The following OPRD1 variants were observed in gnomAD, a reference collection of about 807,000 sequenced individuals.
The protein encoded by OPRD1 is delta-type opioid receptor.
A neutral mutation model predicts 17.5 loss-of-function variants in OPRD1; 19 were observed. The observed-to-expected ratio is 1.09, with a 90% CI of 0.76 to 1.60. The LOEUF (loss-of-function observed/expected upper bound fraction) is 1.60, where lower values mean the gene tolerates loss of function less well. Among genes scored for constraint, OPRD1 ranks in the 40% most tolerant of loss-of-function variants. The pLI is 0.00. For synonymous variants in OPRD1, 256 were observed against 240.9 expected (o/e 1.06, Z -0.58); for missense variants, 483 against 547.2 (o/e 0.88, Z 1.17).
At chr1:28,821,914 A>G (rs1024437854) in intron 1 of OPRD1, among the ~76,000 whole-genome samples, 2 of 151,804 alleles carry the variant, frequency 1.3e-5, no homozygotes, top group African/African-American at 4.8e-5. Context: ...TGCTGTGAAC[A>G]TTCTTAGACA....
Position 28,870,922 on chromosome 1 carries a change from G to T in OPRD1, c.*7639G>T, listed in dbSNP as rs2089212155. On this transcript the variant is annotated 3_prime_UTR_variant, in exon 3 of 3. Transcript: ENST00000234961. ...ACTTCATTGCTGTGGTGTTGGGCAG[G>T]TCTCTGTCCCTCTCTGGGCCTCTGC... 6.6e-6 allele frequency: 1 copy of T among 152,252 alleles called. No individual in the cohort carries two copies. Among genetic ancestry groups the T allele is most frequent in the South Asian group, 2.1e-4 (1 of 4,830 alleles). The allele number at this position is 152,252 out of a possible 1,614,324, so 9.4% of individuals were successfully genotyped here.
chr1:28,837,670 CA>C (rs1173616702), intron 1 of OPRD1, among the ~76,000 whole-genome samples: 10 of 147,254 alleles, frequency 6.8e-5, no homozygotes, highest in South Asian at 2.2e-4. Context: ...ACAAAAAAAA[CA>C]AAAAAAAACC....
At chr1:28,815,632 C>T (rs1036890358) in intron 1 of OPRD1, among the ~76,000 whole-genome samples, 1 of 152,216 alleles carries the variant, frequency 6.6e-6, no homozygotes, top group Non-Finnish European at 1.5e-5. Flanking sequence ...GGGGAGAGCG[C>T]AGCCCGGGCT....
chr1:28,858,212 C>G (rs536403405), intron 1 of OPRD1, among the ~76,000 whole-genome samples: 1 of 149,156 alleles, frequency 6.7e-6, no homozygotes, highest in Non-Finnish European at 1.5e-5. Flanking sequence ...CTCCCGGGTT[C>G]ACGCCATTCT....
intron 1 of OPRD1, among the ~76,000 whole-genome samples, chr1:28,815,194 C>T (rs2088663211): frequency 6.6e-6 from 1 of 152,172 alleles, no homozygotes; most frequent in African/African-American, 2.4e-5. Context: ...CTCACTGCAA[C>T]CTCGACCTCC....
intron 2 of OPRD1, among the ~76,000 whole-genome samples, chr1:28,862,116 A>G (rs964623495): frequency 2.7e-5 from 4 of 150,518 alleles, no homozygotes; most frequent in Non-Finnish European, 5.9e-5. Flanking sequence ...ATGGGGTTTT[A>G]CCGTGTTAGC....
rs1017379708 is a variant in OPRD1, at chr1:28,822,909, G to T, written c.227+10299G>T. Reference sequence around the variant, plus strand: ...AAGGCATGATTTCATTAACCTCAGAGTCCTGGGACCTCAAAATCAAATTGG... The same window carrying T: ...AAGGCATGATTTCATTAACCTCAGATTCCTGGGACCTCAAAATCAAATTGG... On this transcript the variant is annotated intron_variant, in intron 1 of 2. Coordinates refer to ENST00000234961, the MANE Select transcript of OPRD1 (RefSeq NM_000911.4). 2.0e-5 allele frequency among the ~76,000 whole-genome samples: 3 copies of T among 152,128 alleles called. No individual in the cohort carries two copies. In the South Asian group the frequency reaches 6.2e-4, roughly 32 times the overall value.
In OPRD1 at chr1:28,865,422, G is replaced by A. The variant is rs1164150013; in HGVS notation, c.*2139G>A. 2 of 152,138 alleles carry A rather than the reference G, an allele frequency of 1.3e-5. No homozygotes were observed. Among genetic ancestry groups the A allele is most frequent in the Non-Finnish European group, 2.9e-5 (2 of 68,052 alleles). 9.4% of individuals were successfully genotyped at this position (152,138 alleles called of 1,614,324 possible). A position where few individuals can be genotyped will look rare whatever the true frequency, so the allele number is the denominator to read the frequency against. ...GCCATGTCTTTGGAACAAAAGCTGGGAGGCTGTCACTCCAGCAGGGACTGA... is the reference window on the plus strand; with the variant it reads ...GCCATGTCTTTGGAACAAAAGCTGGAAGGCTGTCACTCCAGCAGGGACTGA... On this transcript the variant is annotated 3_prime_UTR_variant, in exon 3 of 3. Coordinates refer to ENST00000234961, the MANE Select transcript of OPRD1 (RefSeq NM_000911.4).
At chr1:28,851,161 A>G (rs1200932813) in intron 1 of OPRD1, among the ~76,000 whole-genome samples, 3 of 152,210 alleles carry the variant, frequency 2.0e-5, no homozygotes, top group Non-Finnish European at 2.9e-5. Context: ...ACAAAGTGTC[A>G]GACTACCAGG....
intron 1 of OPRD1, among the ~76,000 whole-genome samples, chr1:28,840,596 A>G (rs1002828592): frequency 1.3e-5 from 2 of 152,130 alleles, no homozygotes; most frequent in Admixed American, 6.5e-5. Flanking sequence ...GGAATAATAA[A>G]CACTGTCTGC....
rs1319487675 is a variant in OPRD1 at position 28,846,895 on chromosome 1, C to CTT, written c.228-12058_228-12057insTT. 6.1e-3 allele frequency among the ~76,000 whole-genome samples: 209 copies of CTT among 34,002 alleles called. 1 individual carries two copies. Among genetic ancestry groups the CTT allele is most frequent in the African/African-American group, 0.013 (198 of 15,752 alleles). The allele number at this position is 34,002 out of a possible 152,430, so 22.3% of individuals were successfully genotyped here. A position where few individuals can be genotyped will look rare whatever the true frequency, so the allele number is the denominator to read the frequency against. Reference sequence around the variant, plus strand: ...CTTTCTTTCTTTCTTTCTTTCTTTTCTCTTTCTTTCTTTTTCTTTCTTTCT... The same window carrying CTT: ...CTTTCTTTCTTTCTTTCTTTCTTTTCTTTCTTTCTTTCTTTTTCTTTCTTTCT... On this transcript the variant is annotated intron_variant, in intron 1 of 2. Transcript: ENST00000234961.
At chr1:28,846,823 TTC>T (rs56710285) in intron 1 of OPRD1, among the ~76,000 whole-genome samples, 61,498 of 129,622 alleles carry the variant, frequency 0.47, 14,869 homozygotes, top group East Asian at 0.88. Flanking sequence ...TGTTTGCATT[TTC>T]TTTCTTTCTT....
intron 2 of OPRD1, among the ~76,000 whole-genome samples, chr1:28,860,105 C>T (rs1399314590): frequency 6.6e-6 from 1 of 152,198 alleles, no homozygotes; most frequent in Admixed American, 6.5e-5. Context: ...TGGCTCATGC[C>T]TGTAATCCCA....
intron 1 of OPRD1, among the ~76,000 whole-genome samples, chr1:28,850,564 C>A (rs879395859): frequency 2.6e-4 from 40 of 151,946 alleles, no homozygotes; most frequent in Non-Finnish European, 4.7e-4. Flanking sequence ...CTCAGGAGAT[C>A]CACCCACCTC....
rs374042826 is a variant in OPRD1, at chr1:28,859,208, C to T, written c.482C>T (p.Thr161Met). 11 of 1,614,164 alleles carry T rather than the reference C, an allele frequency of 6.8e-6. No homozygotes were observed. The highest frequency in any genetic ancestry group is 2.2e-5 in the East Asian group (1 of 44,904). Reference sequence around the variant, plus strand: ...CCTGTCAAGGCCCTGGACTTCCGCACGCCTGCCAAGGCCAAGCTGATCAAC... The same window carrying T: ...CCTGTCAAGGCCCTGGACTTCCGCATGCCTGCCAAGGCCAAGCTGATCAAC... ...CHPVKALDFR[T>M]PAKAKLINIC... Residue 161 changes from threonine to methionine, a missense_variant, in exon 2 of 3, where the codon ACG becomes ATG. Transcript: ENST00000234961.
chr1:28,814,822 G>A (rs536900495), intron 1 of OPRD1, among the ~76,000 whole-genome samples: 2 of 152,272 alleles, frequency 1.3e-5, no homozygotes, highest in East Asian at 3.9e-4. Context: ...AAGACATTTC[G>A]CTGGTCAACC....
intron 1 of OPRD1, among the ~76,000 whole-genome samples, chr1:28,813,638 G>T (rs1245126857): frequency 6.6e-6 from 1 of 152,188 alleles, no homozygotes; most frequent in South Asian, 2.1e-4. Context: ...GCCAGTAAGG[G>T]TTGAGAGGAA....
rs776809673 is a variant in OPRD1 at position 28,859,090 on chromosome 1, A to G, written c.364A>G (p.Lys122Glu). 6.2e-7 allele frequency: 1 copy of G among 1,614,222 alleles called. No homozygotes were observed. Among genetic ancestry groups the G allele is most frequent in the South Asian group, 1.1e-5 (1 of 91,088 alleles). ...ETWPFGELLC[K>E]AVLSIDYYNM... ...GTGGCCCTTCGGCGAGCTGCTCTGC[A>G]AGGCTGTGCTCTCCATCGACTACTA... is the stretch of plus-strand genomic sequence containing the variant. The change falls in exon 2 of 3, where the codon AAG (lysine) becomes GAG (glutamate). Residue 122 changes from lysine to glutamate, a missense_variant. Coordinates refer to ENST00000234961, the MANE Select transcript of OPRD1 (RefSeq NM_000911.4).
Position 28,867,697 on chromosome 1 carries a change from G to C in OPRD1, c.*4414G>C, listed in dbSNP as rs2089187336. The C allele has an allele frequency of 6.5e-6, 1 of 153,020 alleles. No individual in the cohort carries two copies. 9.5% of individuals were successfully genotyped at this position (153,020 alleles called of 1,614,324 possible). ...GTGGTTAAGCCTGGAATCAGATCTT[G>C]GTTTTCCCTCTCTGAGCCTCAGTTT... On this transcript the variant is annotated 3_prime_UTR_variant, in exon 3 of 3. Coordinates refer to ENST00000234961, the MANE Select transcript of OPRD1 (RefSeq NM_000911.4).
Sources: allele counts gnomAD v4.1 joint callset (sites outside exome capture counted in the v4.1 genomes callset), GRCh38; gene constraint gnomAD v4.1.1; transcripts MANE v1.5; gene names NCBI Gene and HGNC (gene_info 2026-07-23, HGNC 2026-07-21).